GLIS1: variants seen among roughly 807,000 people sequenced by gnomAD.
GLIS1 encodes the protein GLIS family zinc finger 1, also known as zinc finger protein GLIS1.
A neutral mutation model predicts 63.8 loss-of-function variants in GLIS1; 24 were observed. That is an observed-to-expected ratio of 0.38 (90% CI 0.27 to 0.53). The LOEUF (loss-of-function observed/expected upper bound fraction) is 0.53. Among genes scored for constraint, GLIS1 ranks in the 20% least tolerant of loss-of-function variants. GLIS1 has a pLI of 0.85. For synonymous variants in GLIS1, 450 were observed against 482.5 expected (o/e 0.93, Z 0.88); for missense variants, 1,036 against 1,074.1 (o/e 0.96, Z 0.50).
chr1:53,570,040 A>C (rs1644970128), intron 4 of GLIS1, among the ~76,000 whole-genome samples: 1 of 152,016 alleles, frequency 6.6e-6, no homozygotes, highest in Non-Finnish European at 1.5e-5. Context: ...TTCCAATCAA[A>C]ATCTAATCAA....
intron 2 of GLIS1, among the ~76,000 whole-genome samples, chr1:53,686,498 G>A (rs1195899959): frequency 6.6e-6 from 1 of 152,180 alleles, no homozygotes; most frequent in Non-Finnish European, 1.5e-5. Context: ...TTGCTTGGTT[G>A]GTGGCAGACC....
chr1:53,729,447 CG>C (rs1362484235), intron 2 of GLIS1, among the ~76,000 whole-genome samples: 1 of 152,048 alleles, frequency 6.6e-6, no homozygotes, highest in African/African-American at 2.4e-5. Flanking sequence ...CTGGGGTTGA[CG>C]GGGGGTACGG....
chr1:53,678,203 C>T (rs868450269), intron 2 of GLIS1, among the ~76,000 whole-genome samples: 6 of 152,192 alleles, frequency 3.9e-5, no homozygotes, highest in South Asian at 4.2e-4. Flanking sequence ...GTGCCTGCCA[C>T]CCTTGCTGTA....
At chr1:53,627,054 C>T (rs920994016) in intron 2 of GLIS1, among the ~76,000 whole-genome samples, 1 of 152,272 alleles carries the variant, frequency 6.6e-6, no homozygotes, top group Admixed American at 6.5e-5. Context: ...TGGGCAGTTT[C>T]TGCCTAGGCC....
intron 2 of GLIS1, among the ~76,000 whole-genome samples, chr1:53,653,278 G>A (rs1031474812): frequency 2.0e-5 from 3 of 152,188 alleles, no homozygotes; most frequent in Admixed American, 6.5e-5. Context: ...GGGGACAAAC[G>A]AATGAATGAA....
chr1:53,716,038 T>A (rs1004873129), intron 2 of GLIS1, among the ~76,000 whole-genome samples: 1 of 152,076 alleles, frequency 6.6e-6, no homozygotes, highest in Non-Finnish European at 1.5e-5. Flanking sequence ...TGAAGCACAG[T>A]CTTCGAGGAA....
At chr1:53,629,160 G>A (rs368995997) in intron 2 of GLIS1, among the ~76,000 whole-genome samples, 1 of 151,946 alleles carries the variant, frequency 6.6e-6, no homozygotes, top group Non-Finnish European at 1.5e-5. Flanking sequence ...TACCCTTACC[G>A]TGATGTGCCA....
chr1:53,564,576 C>T (rs1252590760), intron 4 of GLIS1, among the ~76,000 whole-genome samples: 1 of 151,994 alleles, frequency 6.6e-6, no homozygotes, highest in Non-Finnish European at 1.5e-5. Context: ...ATTAACCTCC[C>T]TTTTGCTAAT....
chr1:53,605,511 C>T (rs929767799), intron 2 of GLIS1, among the ~76,000 whole-genome samples: 2 of 152,246 alleles, frequency 1.3e-5, no homozygotes, highest in African/African-American at 4.8e-5. Flanking sequence ...TCTGCACATC[C>T]AGCACGTGCC....
intron 2 of GLIS1, among the ~76,000 whole-genome samples, chr1:53,715,175 C>T (rs904207877): frequency 6.6e-6 from 1 of 152,228 alleles, no homozygotes; most frequent in Admixed American, 6.5e-5. Context: ...CTCAGCCCCC[C>T]ACAGTGCTGG....
chr1:53,703,237 C>T (rs1010465216), intron 2 of GLIS1, among the ~76,000 whole-genome samples: 1 of 152,198 alleles, frequency 6.6e-6, no homozygotes, highest in Non-Finnish European at 1.5e-5. Flanking sequence ...AAAGTAGGTA[C>T]TATTATTATC....
Position 53,514,723 on chromosome 1 carries a change from T to C in GLIS1, c.1785A>G (p.Pro595=). 1 of 1,612,792 alleles carries C rather than the reference T, an allele frequency of 6.2e-7. No homozygotes were observed. The highest frequency in any genetic ancestry group is 8.5e-7 in the Non-Finnish European group (1 of 1,179,502). The change falls in exon 8 of 11, where the codon CCA becomes CCG. Residue 595 remains proline (P), a synonymous_variant. Transcript: ENST00000628545. ...HNGLASGLLP[P]AHDVPSRHHP... is the part of the protein sequence containing the mutation. ...GGTGCCTGGAAGGTACGTCGTGCGC[T>C]GGGGGCAGGAGGCCCGATGCAAGTC...
At chr1:53,611,861 T>A (rs956984044) in intron 2 of GLIS1, among the ~76,000 whole-genome samples, 2 of 152,202 alleles carry the variant, frequency 1.3e-5, no homozygotes, top group African/African-American at 4.8e-5. Flanking sequence ...AGAGACAGGG[T>A]CTCACTCTGT....
intron 4 of GLIS1, among the ~76,000 whole-genome samples, chr1:53,551,825 C>T (rs1404297749): frequency 6.6e-6 from 1 of 152,058 alleles, no homozygotes; most frequent in Admixed American, 6.5e-5. Context: ...CCCGGTGGTT[C>T]CTGCCTCTGG....
At chr1:53,628,295 GCT>G (rs1193334562) in intron 2 of GLIS1, among the ~76,000 whole-genome samples, 24 of 152,284 alleles carry the variant, frequency 1.6e-4, no homozygotes, top group African/African-American at 4.8e-4. Context: ...TCACTAGAGA[GCT>G]AGCCTCAATA....
At chr1:53,625,654 T>C (rs1645586868) in intron 2 of GLIS1, among the ~76,000 whole-genome samples, 1 of 152,226 alleles carries the variant, frequency 6.6e-6, no homozygotes, top group African/African-American at 2.4e-5. Context: ...AGTGAGCTCC[T>C]ATTGTGTCTG....
intron 2 of GLIS1, among the ~76,000 whole-genome samples, chr1:53,659,900 T>C (rs1268551465): frequency 1.3e-5 from 2 of 152,158 alleles, no homozygotes; most frequent in Non-Finnish European, 2.9e-5. Context: ...AGGTAGATGT[T>C]GACTTTTTCT....
At chr1:53,699,800 G>A (rs1301696697) in intron 2 of GLIS1, among the ~76,000 whole-genome samples, 1 of 152,122 alleles carries the variant, frequency 6.6e-6, no homozygotes, top group Non-Finnish European at 1.5e-5. Context: ...CAGGAAATGA[G>A]AAAGCAAGCT....
chr1:53,628,714 G>A (rs547757797), intron 2 of GLIS1, among the ~76,000 whole-genome samples: 14 of 152,118 alleles, frequency 9.2e-5, no homozygotes, highest in Non-Finnish European at 2.1e-4. Flanking sequence ...GCAGGTCTAA[G>A]CTCAGTCTCC....
Sources: allele counts gnomAD v4.1 joint callset (sites outside exome capture counted in the v4.1 genomes callset), GRCh38; gene constraint gnomAD v4.1.1; transcripts MANE v1.5; gene names NCBI Gene and HGNC (gene_info 2026-07-23, HGNC 2026-07-21).